LOC128462377: variants seen among roughly 807,000 people sequenced by gnomAD.
At chr16:89,370,521 G>C in the LOC128462377 span, among the ~76,000 whole-genome samples, 3 of 152,204 alleles carry the variant, frequency 2.0e-5, no homozygotes, top group Admixed American at 6.5e-5. Context: ...GAGAAGACCA[G>C]AGGCTGGAGC....
chr16:89,391,539 TC>T, the LOC128462377 span, among the ~76,000 whole-genome samples: 2 of 152,230 alleles, frequency 1.3e-5, no homozygotes, highest in African/African-American at 2.4e-5. Context: ...GTGTTGACTG[TC>T]GCTGTGGCAT....
At chr16:89,319,214 C>T in the LOC128462377 span, among the ~76,000 whole-genome samples, 1,522 of 152,354 alleles carry the variant, frequency 1.0e-2, 10 homozygotes, top group Middle Eastern at 0.034. Flanking sequence ...GTGGTCAGGG[C>T]GCAGACCCCA....
At chr16:89,379,812 G>C in the LOC128462377 span, among the ~76,000 whole-genome samples, 6 of 152,162 alleles carry the variant, frequency 3.9e-5, no homozygotes, top group Non-Finnish European at 8.8e-5. Flanking sequence ...TTAACATTCT[G>C]TTCAGCAAGA....
chr16:89,327,238 G>A, the LOC128462377 span, among the ~76,000 whole-genome samples: 1 of 152,122 alleles, frequency 6.6e-6, no homozygotes, highest in East Asian at 1.9e-4. Context: ...ATCACAACTG[G>A]TACAGAAAAT....
the LOC128462377 span, among the ~76,000 whole-genome samples, chr16:89,360,050 T>G: frequency 6.6e-6 from 1 of 152,022 alleles, no homozygotes; most frequent in Non-Finnish European, 1.5e-5. Flanking sequence ...CTCCTCTCCC[T>G]CCTCCCGCCC....
the LOC128462377 span, chr16:89,320,226 C>T: frequency 4.6e-5 from 7 of 152,234 alleles, no homozygotes; most frequent in Admixed American, 1.3e-4. Flanking sequence ...GCCTTCTCAT[C>T]ACGATGCTGC....
chr16:89,417,673 T>C, the LOC128462377 span, among the ~76,000 whole-genome samples: 5 of 152,086 alleles, frequency 3.3e-5, no homozygotes, highest in African/African-American at 1.2e-4. Context: ...AACAGCACTA[T>C]GCCCAGAAGC....
At chr16:89,404,539 G>A in the LOC128462377 span, among the ~76,000 whole-genome samples, 1 of 152,238 alleles carries the variant, frequency 6.6e-6, no homozygotes, top group Non-Finnish European at 1.5e-5. Flanking sequence ...GGGGTAAAGA[G>A]AAGAGAAGGA....
the LOC128462377 span, among the ~76,000 whole-genome samples, chr16:89,351,635 C>T: frequency 1.3e-5 from 2 of 152,222 alleles, no homozygotes; most frequent in African/African-American, 4.8e-5. Flanking sequence ...GCACTGCAGA[C>T]ATAGGCCCTG....
chr16:89,362,247 T>C, the LOC128462377 span, among the ~76,000 whole-genome samples: 2 of 152,256 alleles, frequency 1.3e-5, no homozygotes, highest in African/African-American at 2.4e-5. Flanking sequence ...ACGGCACATA[T>C]GCTTTTCGGG....
the LOC128462377 span, among the ~76,000 whole-genome samples, chr16:89,386,843 T>C: frequency 1.3e-5 from 2 of 152,112 alleles, no homozygotes; most frequent in African/African-American, 2.4e-5. Context: ...CTCAGTCCTA[T>C]CACAGCCAGA....
At chr16:89,363,702 G>T in the LOC128462377 span, among the ~76,000 whole-genome samples, 1 of 152,146 alleles carries the variant, frequency 6.6e-6, no homozygotes, top group Non-Finnish European at 1.5e-5. Context: ...AGGCCCCTGT[G>T]AAACAAACAC....
chr16:89,354,404 G>C, the LOC128462377 span, among the ~76,000 whole-genome samples: 1 of 152,174 alleles, frequency 6.6e-6, no homozygotes, highest in Admixed American at 6.5e-5. Context: ...GCTTGACACA[G>C]TCAACACTGC....
chr16:89,317,056 G>A, the LOC128462377 span: 28 of 1,595,796 alleles, frequency 1.8e-5, no homozygotes, highest in Admixed American at 2.9e-4. Flanking sequence ...TTACACGGCC[G>A]GCGCTTCATC....
At chr16:89,351,991 A>G in the LOC128462377 span, among the ~76,000 whole-genome samples, 1 of 152,108 alleles carries the variant, frequency 6.6e-6, no homozygotes, top group Admixed American at 6.5e-5. Flanking sequence ...GCTCACTGCA[A>G]TCTCTGCCTC....
the LOC128462377 span, among the ~76,000 whole-genome samples, chr16:89,351,961 AGTGCAGTG>A: frequency 1.3e-5 from 2 of 152,192 alleles, no homozygotes; most frequent in African/African-American, 2.4e-5. Context: ...CCCAGGATGG[AGTGCAGTG>A]GTGCGATCGT....
the LOC128462377 span, among the ~76,000 whole-genome samples, chr16:89,318,416 A>G: frequency 7.2e-5 from 11 of 152,370 alleles, no homozygotes; most frequent in Admixed American, 1.3e-4. Flanking sequence ...TACAAATGGA[A>G]CTGTGTGCAC....
chr16:89,405,718 C>A, the LOC128462377 span, among the ~76,000 whole-genome samples: 4 of 152,048 alleles, frequency 2.6e-5, no homozygotes, highest in Non-Finnish European at 4.4e-5. Flanking sequence ...TGCACCAAAG[C>A]GTCCTCAAGG....
chr16:89,372,981 C>T, the LOC128462377 span: 1 of 152,210 alleles, frequency 6.6e-6, no homozygotes, highest in South Asian at 2.1e-4. Flanking sequence ...CCTACATACA[C>T]CCCGAGGAAG....
Sources: gnomAD v4.1 joint callset for allele counts (sites outside exome capture counted in the v4.1 genomes callset) on GRCh38, gnomAD v4.1.1 for gene constraint, MANE v1.5 for transcripts.